Variants in EBF1 observed in about 807,000 individuals in gnomAD.
The protein encoded by EBF1 is EBF transcription factor 1.
In EBF1, 10 loss-of-function variants were observed where a neutral mutation model predicts 68.4. That is an observed-to-expected ratio of 0.15 (90% CI 0.09 to 0.25). The LOEUF is 0.25. EBF1 is among the 10% of genes least tolerant of loss of function. EBF1 has a pLI of 1.00. For synonymous variants in EBF1, 298 were observed against 299.8 expected, an observed-to-expected ratio of 0.99 and a Z score of 0.06; for missense variants, 509 against 794.4, an observed-to-expected ratio of 0.64 and a Z score of 4.32.
At chr5:158,893,421 G>A (rs1003656763) in intron 6 of EBF1, among the ~76,000 whole-genome samples, 1 of 152,116 alleles carries the variant, frequency 6.6e-6, no homozygotes, top group Admixed American at 6.5e-5. Context: ...TTTCTACTTA[G>A]TAAGCCAGCT....
chr5:158,840,671 T>TG (rs1790116961), intron 6 of EBF1, among the ~76,000 whole-genome samples: 1 of 76,776 alleles, frequency 1.3e-5, no homozygotes, highest in African/African-American at 5.0e-5. Context: ...TTTTTTTTTT[T>TG]TGTTTTTTTT....
intron 9 of EBF1, among the ~76,000 whole-genome samples, chr5:158,794,931 A>C (rs1779345515): frequency 6.6e-6 from 1 of 152,224 alleles, no homozygotes; most frequent in Non-Finnish European, 1.5e-5. Flanking sequence ...CTTGCCTAAA[A>C]ATTAGTTGAG....
chr5:159,031,954 G>T (rs1385429694), intron 6 of EBF1, among the ~76,000 whole-genome samples: 6 of 152,100 alleles, frequency 3.9e-5, no homozygotes. Flanking sequence ...TCCCGTCTTC[G>T]AAGGAATTTT....
rs578029745 is a variant in EBF1, at chr5:158,840,918, G to A, written c.555-808C>T. On this transcript the variant is annotated intron_variant, in intron 6 of 15. Coordinates refer to ENST00000313708, the MANE Select transcript of EBF1 (RefSeq NM_024007.5). Reference sequence around the variant, plus strand: ...GATCTCCTGACCTCGTGATCCGCCCGCCTCGGCCTCCCAAAGTGCTGGGAT... The same window carrying A: ...GATCTCCTGACCTCGTGATCCGCCCACCTCGGCCTCCCAAAGTGCTGGGAT... 7.9e-5 allele frequency among the ~76,000 whole-genome samples: 12 copies of A among 151,810 alleles called. No homozygotes were observed. In the East Asian group the frequency reaches 9.7e-4, roughly 12 times the overall value.
At chr5:159,019,298 G>A (rs1766213258) in intron 6 of EBF1, among the ~76,000 whole-genome samples, 1 of 152,146 alleles carries the variant, frequency 6.6e-6, no homozygotes, top group African/African-American at 2.4e-5. Flanking sequence ...CATTTAACAG[G>A]AGAATATTTA....
At chr5:158,773,496 A>G (rs927413478) in intron 10 of EBF1, among the ~76,000 whole-genome samples, 2 of 152,162 alleles carry the variant, frequency 1.3e-5, no homozygotes, top group African/African-American at 2.4e-5. Flanking sequence ...CTGAGTTGTT[A>G]GATGATCATT....
At chr5:158,744,227 T>C (rs891654663) in intron 10 of EBF1, among the ~76,000 whole-genome samples, 3 of 151,094 alleles carry the variant, frequency 2.0e-5, no homozygotes, top group South Asian at 2.1e-4. Flanking sequence ...ATATAGGTAA[T>C]AGCAAAAACC....
chr5:158,962,332 T>G (rs1248664084), intron 6 of EBF1, among the ~76,000 whole-genome samples: 1 of 151,896 alleles, frequency 6.6e-6, no homozygotes, highest in African/African-American at 2.4e-5. Flanking sequence ...ACCAAGCCAA[T>G]AACATAATGA....
chr5:159,021,386 C>T (rs1766649046), intron 6 of EBF1, among the ~76,000 whole-genome samples: 1 of 152,160 alleles, frequency 6.6e-6, no homozygotes, highest in Non-Finnish European at 1.5e-5. Context: ...AACGTGGTTT[C>T]CAAACAGAAT....
At position 158,842,829 on chromosome 5, in the gene EBF1, A is replaced by G. The variant is rs1311372434; in HGVS notation, c.555-2719T>C. On this transcript the variant is annotated intron_variant, in intron 6 of 15. Coordinates refer to ENST00000313708, the MANE Select transcript of EBF1 (RefSeq NM_024007.5). The stretch of plus-strand genomic sequence containing the variant: ...TTAATCCCATTTTATAGATGAGAAA[A>G]CTGAGATTCAGAGAAGTGAAATAAC... Among the ~76,000 whole-genome samples, 8 of 152,222 alleles carry G rather than the reference A, an allele frequency of 5.3e-5. No homozygotes were observed. In the East Asian group the frequency reaches 1.3e-3, roughly 26 times the overall value.
chr5:158,957,495 C>T (rs902627879), intron 6 of EBF1, among the ~76,000 whole-genome samples: 1 of 152,182 alleles, frequency 6.6e-6, no homozygotes, highest in African/African-American at 2.4e-5. Flanking sequence ...GAAAACAATA[C>T]GTAGCAAGTG....
intron 6 of EBF1, among the ~76,000 whole-genome samples, chr5:158,881,782 G>C (rs554091805): frequency 6.6e-6 from 1 of 152,308 alleles, no homozygotes; most frequent in East Asian, 1.9e-4. Flanking sequence ...GCTTCCAGCA[G>C]CAAATCAGTG....
intron 6 of EBF1, among the ~76,000 whole-genome samples, chr5:159,068,628 A>G (rs1200493418): frequency 6.6e-6 from 1 of 152,176 alleles, no homozygotes; most frequent in Non-Finnish European, 1.5e-5. Context: ...CTGAGCAACC[A>G]TAACATGGTT....
chr5:158,847,852 G>A (rs1791836202), intron 6 of EBF1, among the ~76,000 whole-genome samples: 1 of 152,214 alleles, frequency 6.6e-6, no homozygotes, highest in South Asian at 2.1e-4. Flanking sequence ...AGTTCCTGCA[G>A]ACCAAGGGAC....
intron 6 of EBF1, among the ~76,000 whole-genome samples, chr5:158,876,141 G>A (rs186773821): frequency 5.9e-5 from 9 of 152,044 alleles, no homozygotes; most frequent in African/African-American, 1.9e-4. Flanking sequence ...GAAACACTAC[G>A]GCCAATAATA....
intron 10 of EBF1, among the ~76,000 whole-genome samples, chr5:158,739,556 G>A (rs766807595): frequency 3.3e-5 from 5 of 151,888 alleles, no homozygotes; most frequent in Non-Finnish European, 5.9e-5. Context: ...GATCATTCAC[G>A]ATTAGGTTTC....
chr5:159,005,521 A>AT (rs1763384549), intron 6 of EBF1, among the ~76,000 whole-genome samples: 1 of 152,304 alleles, frequency 6.6e-6, no homozygotes, highest in Admixed American at 6.5e-5. Flanking sequence ...CTGAGTGTGC[A>AT]TTTCTCAGAG....
At chr5:159,057,475 T>C (rs1430709956) in intron 6 of EBF1, among the ~76,000 whole-genome samples, 2 of 152,218 alleles carry the variant, frequency 1.3e-5, no homozygotes, top group Non-Finnish European at 2.9e-5. Context: ...TTGTTAGAGA[T>C]ACAGGACTTA....
At position 158,696,355 on chromosome 5, in the gene EBF1, C is replaced by A. The variant is rs1025325294; in HGVS notation, c.*2756G>T. ...ATCTAATCAATAGAAATAGAAGCAA[C>A]AAAACACAAATTATACACATTTTAA... is the stretch of plus-strand genomic sequence containing the variant. On this transcript the variant is annotated 3_prime_UTR_variant, in exon 16 of 16. Coordinates refer to ENST00000313708, the MANE Select transcript of EBF1 (RefSeq NM_024007.5). The A allele has an allele frequency of 4.5e-6, 1 of 221,850 alleles. No individual in the cohort carries two copies. The highest frequency in any genetic ancestry group is 2.2e-5 in the African/African-American group (1 of 44,614). 13.7% of individuals were successfully genotyped at this position (221,850 alleles called of 1,614,324 possible).
Sources: allele counts gnomAD v4.1 joint callset (sites outside exome capture counted in the v4.1 genomes callset), GRCh38; gene constraint gnomAD v4.1.1; transcripts MANE v1.5; gene names NCBI Gene and HGNC (gene_info 2026-07-23, HGNC 2026-07-21).